ARHGAP24: variants seen among roughly 807,000 people sequenced by gnomAD.
The protein encoded by ARHGAP24 is rho GTPase-activating protein 24.
A neutral mutation model predicts 76.4 loss-of-function variants in ARHGAP24; 50 were observed. The ratio of observed to expected loss-of-function variants is 0.65; its 90% CI spans 0.52 to 0.83. The LOEUF (loss-of-function observed/expected upper bound fraction) is 0.83. Among genes scored for constraint, ARHGAP24 ranks in the 40% least tolerant of loss-of-function variants. ARHGAP24 has a pLI of 0.00. For missense variants in ARHGAP24, 930 were observed against 914.2 expected, an observed-to-expected ratio of 1.02 and a Z score of -0.22; for synonymous variants, 345 against 323.3, an observed-to-expected ratio of 1.07 and a Z score of -0.72.
intron 5 of ARHGAP24, among the ~76,000 whole-genome samples, chr4:85,949,744 C>G (rs1377083377): frequency 6.6e-6 from 1 of 152,180 alleles, no homozygotes; most frequent in Admixed American, 6.5e-5. Context: ...GGGGAGAAAG[C>G]TGACTCTACT....
intron 3 of ARHGAP24, among the ~76,000 whole-genome samples, chr4:85,806,510 G>A (rs754207019): frequency 2.0e-5 from 3 of 152,166 alleles, no homozygotes; most frequent in Non-Finnish European, 4.4e-5. Context: ...TTAGAAAGCA[G>A]TCTGCACATG....
At chr4:85,801,055 A>G (rs765398278) in intron 3 of ARHGAP24, among the ~76,000 whole-genome samples, 12 of 152,224 alleles carry the variant, frequency 7.9e-5, no homozygotes, top group Non-Finnish European at 1.3e-4. Context: ...ATATGCCTCA[A>G]ATGTGAACTA....
chr4:85,625,930 T>A (rs886271524), intron 2 of ARHGAP24, among the ~76,000 whole-genome samples: 4 of 143,070 alleles, frequency 2.8e-5, no homozygotes, highest in Non-Finnish European at 4.6e-5. Flanking sequence ...TTGGTAGATC[T>A]TCCTCCATCC....
intron 3 of ARHGAP24, among the ~76,000 whole-genome samples, chr4:85,777,146 A>G (rs1168051516): frequency 1.3e-5 from 2 of 152,212 alleles, no homozygotes; most frequent in African/African-American, 2.4e-5. Context: ...TGTCAGCATT[A>G]GAAAAGTGCT....
chr4:85,811,424 T>C (rs1729006599), intron 3 of ARHGAP24, among the ~76,000 whole-genome samples: 1 of 152,136 alleles, frequency 6.6e-6, no homozygotes, highest in African/African-American at 2.4e-5. Flanking sequence ...AGTTCTAGTC[T>C]AGGGTAGTGA....
At chr4:85,782,048 A>G (rs140272514) in intron 3 of ARHGAP24, among the ~76,000 whole-genome samples, 3 of 135,424 alleles carry the variant, frequency 2.2e-5, no homozygotes, top group South Asian at 2.3e-4. Flanking sequence ...AAAAAAAAAA[A>G]AAAGAAAAAA....
rs148166503 is a variant in ARHGAP24 at position 85,510,345 on chromosome 4, C to T, written c.-21+34786C>T. ...AATATTTGCTATGCATGCCAATGAA[C>T]AGAAAGACCAAATTTCGCACCTTCA... On this transcript the variant is annotated intron_variant, in intron 1 of 9. Coordinates refer to ENST00000395184, the MANE Select transcript of ARHGAP24 (RefSeq NM_001025616.3). Among the ~76,000 whole-genome samples the T allele has an allele frequency of 5.5e-3, 837 of 152,196 alleles. 12 individuals are homozygous for T. Among genetic ancestry groups the T allele is most frequent in the African/African-American group, 0.019 (776 of 41,514 alleles).
At chr4:85,648,952 G>T (rs1721827782) in intron 2 of ARHGAP24, among the ~76,000 whole-genome samples, 1 of 151,948 alleles carries the variant, frequency 6.6e-6, no homozygotes, top group African/African-American at 2.4e-5. Flanking sequence ...CTGAAAAGGA[G>T]TATAGAACTG....
chr4:85,782,970 A>T (rs1273320419), intron 3 of ARHGAP24, among the ~76,000 whole-genome samples: 1 of 152,206 alleles, frequency 6.6e-6, no homozygotes, highest in Non-Finnish European at 1.5e-5. Flanking sequence ...ATATTTGATT[A>T]TTGGAGTATT....
chr4:85,870,003 A>G (rs1732433578), intron 3 of ARHGAP24, among the ~76,000 whole-genome samples: 1 of 152,140 alleles, frequency 6.6e-6, no homozygotes, highest in African/African-American at 2.4e-5. Flanking sequence ...CCTTAATTTC[A>G]TCATCTGTAA....
intron 3 of ARHGAP24, among the ~76,000 whole-genome samples, chr4:85,780,775 G>T (rs1727520359): frequency 6.6e-6 from 1 of 152,218 alleles, no homozygotes; most frequent in African/African-American, 2.4e-5. Context: ...ATCTATTTTG[G>T]GTGCTCAGGA....
chr4:85,730,026 A>T (rs750829649), intron 3 of ARHGAP24, among the ~76,000 whole-genome samples: 27 of 152,194 alleles, frequency 1.8e-4, no homozygotes, highest in Non-Finnish European at 3.8e-4. Context: ...CCATGGCATT[A>T]TCCATTGCCT....
chr4:85,875,585 TATTTTATATTATA>T (rs1356255975), intron 3 of ARHGAP24, among the ~76,000 whole-genome samples: 1,188 of 109,874 alleles, frequency 0.011, 26 homozygotes, highest in African/African-American at 0.041. Context: ...ATATAATATA[TATTTTATATTATA>T]TTTTTATATT....
chr4:85,827,121 T>C (rs1729748959), intron 3 of ARHGAP24, among the ~76,000 whole-genome samples: 1 of 152,182 alleles, frequency 6.6e-6, no homozygotes, highest in Non-Finnish European at 1.5e-5. Context: ...CCCCCAAAAT[T>C]AAAGTGTGCA....
chr4:85,609,854 T>C (rs753922310), intron 2 of ARHGAP24, among the ~76,000 whole-genome samples: 3 of 152,226 alleles, frequency 2.0e-5, no homozygotes, highest in Non-Finnish European at 2.9e-5. Flanking sequence ...AAATTCTTTC[T>C]CATAGTTACT....
chr4:85,658,120 T>A (rs964959177), intron 2 of ARHGAP24, among the ~76,000 whole-genome samples: 2 of 152,212 alleles, frequency 1.3e-5, no homozygotes, highest in African/African-American at 4.8e-5. Context: ...AAGACCTTTT[T>A]TTCAGTCTGA....
intron 2 of ARHGAP24, among the ~76,000 whole-genome samples, chr4:85,596,831 A>G (rs1318704514): frequency 6.6e-6 from 1 of 152,098 alleles, no homozygotes; most frequent in Non-Finnish European, 1.5e-5. Context: ...ATGGGATCCA[A>G]TTTCAAGTTT....
rs552748064 is a variant in ARHGAP24 at position 85,590,126 on chromosome 4, G to A, written c.180+19405G>A. Among the ~76,000 whole-genome samples, 12 of 152,204 alleles carry A rather than the reference G, an allele frequency of 7.9e-5. No individual in the cohort carries two copies. The East Asian group carries it at 1.4e-3, about 17-fold the overall frequency. ...AATGATTGTTTAATGTAAATGAAAT[G>A]TTAATTTGTTTGGAATGAGAAAACT... On this transcript the variant is annotated intron_variant, in intron 2 of 9. Coordinates refer to ENST00000395184, the MANE Select transcript of ARHGAP24 (RefSeq NM_001025616.3).
rs1474263960 is a variant in ARHGAP24 at position 85,913,573 on chromosome 4, T to C, written c.269-10075T>C. Among the ~76,000 whole-genome samples the C allele has an allele frequency of 3.3e-5, 5 of 152,116 alleles. No individual in the cohort carries two copies. The East Asian group carries it at 9.6e-4, about 29-fold the overall frequency. ...TATCATCTCATTGGTGACTTCCAAA[T>C]GTATGCCTTTGGTCTAGACCTCTCC... On this transcript the variant is annotated intron_variant, in intron 3 of 9. Coordinates refer to ENST00000395184, the MANE Select transcript of ARHGAP24 (RefSeq NM_001025616.3).
Sources: gnomAD v4.1 joint callset for allele counts (sites outside exome capture counted in the v4.1 genomes callset) on GRCh38, gnomAD v4.1.1 for gene constraint, MANE v1.5 for transcripts, NCBI Gene and HGNC (gene_info 2026-07-23, HGNC 2026-07-21) for gene names.